The following HDAC9 variants were observed in gnomAD, a reference collection of about 807,000 sequenced individuals.
HDAC9 encodes the protein MEF-2 interacting transcription repressor (MITR) protein.
HDAC9 carries 41 observed loss-of-function variants against 139.4 expected under a neutral mutation model. The ratio of observed to expected loss-of-function variants is 0.29; its 90% confidence interval spans 0.23 to 0.38. HDAC9 has a LOEUF of 0.38. Ranked by LOEUF, HDAC9 falls within the 10% of genes least tolerant of loss-of-function variation. The probability of loss-of-function intolerance (pLI) is 1.00; values close to 1 mark genes in which losing one functional copy is unlikely to be tolerated. For missense variants in HDAC9, 1,147 were observed against 1,297.0 expected (o/e 0.88, Z 1.78); for synonymous variants, 517 against 476.2 (o/e 1.09, Z -1.12).
rs1477688828 is a variant in HDAC9, at chr7:18,169,308, T to C, written c.25+6959T>C. 1.3e-5 allele frequency among the ~76,000 whole-genome samples: 2 copies of C among 152,092 alleles called. 1 individual carries two copies. The highest frequency in any genetic ancestry group is 4.8e-5 in the African/African-American group (2 of 41,430). On this transcript the variant is annotated intron_variant, in intron 2 of 12. Coordinates refer to the HDAC9 transcript ENST00000417496. ...ACATACTGTAATTGCATTTTAATTG[T>C]CTCCTTATCCACTGCACCCCTCTTA...
chr7:18,665,101 AC>A (rs1794456248), intron 11 of HDAC9, among the ~76,000 whole-genome samples: 1 of 152,182 alleles, frequency 6.6e-6, no homozygotes. Context: ...TTAAGTATTC[AC>A]ATTTTAAAAC....
intron 25 of HDAC9, among the ~76,000 whole-genome samples, chr7:18,976,521 A>G (rs1157033815): frequency 6.6e-6 from 1 of 152,188 alleles, no homozygotes. Context: ...CTTGGGGCTG[A>G]TTTTATTTCA....
At chr7:18,471,378 A>T (rs1298815521) in intron 1 of HDAC9, among the ~76,000 whole-genome samples, 1 of 152,136 alleles carries the variant, frequency 6.6e-6, no homozygotes, top group African/African-American at 2.4e-5. Context: ...AATACCTTTT[A>T]GTTTTTATCC....
chr7:18,427,993 T>C (rs942969517), intron 1 of HDAC9, among the ~76,000 whole-genome samples: 1 of 152,206 alleles, frequency 6.6e-6, no homozygotes, highest in African/African-American at 2.4e-5. Flanking sequence ...GTATGTGTCC[T>C]TCTGTGACTA....
intron 5 of HDAC9, among the ~76,000 whole-genome samples, chr7:18,592,630 A>G (rs780773909): frequency 2.6e-5 from 4 of 152,054 alleles, no homozygotes; most frequent in Non-Finnish European, 1.5e-5. Context: ...ATGTACTTAT[A>G]AGGCTATTTT....
At position 18,975,794 on chromosome 7, in the gene HDAC9, T is replaced by C; in HGVS notation, c.3023-12T>C. On this transcript the variant is annotated splice_polypyrimidine_tract_variant and intron_variant, in intron 24 of 25. Transcript: ENST00000686413. ...TACAATTCTTATGAAGTATGATGGA[T>C]GTTTTTCCTAGGCAAGTATTGGAAG... 1 of 1,612,970 alleles carries C rather than the reference T, an allele frequency of 6.2e-7. No homozygotes were observed. Among genetic ancestry groups the C allele is most frequent in the Non-Finnish European group, 8.5e-7 (1 of 1,179,142 alleles).
At chr7:18,875,936 G>C (rs10237366) in intron 22 of HDAC9, among the ~76,000 whole-genome samples, 65,846 of 151,864 alleles carry the variant, frequency 0.43, 14,542 homozygotes, top group South Asian at 0.55. Flanking sequence ...AAGGAACTCT[G>C]GAAAAGTTGT....
intron 12 of HDAC9, among the ~76,000 whole-genome samples, chr7:18,725,272 A>AT (rs1030392238): frequency 6.6e-6 from 1 of 152,180 alleles, no homozygotes; most frequent in Admixed American, 6.5e-5. Flanking sequence ...TTTTAATACT[A>AT]TTTTTTGAAG....
At chr7:18,792,123 A>G (rs1331728429) in intron 16 of HDAC9, among the ~76,000 whole-genome samples, 1 of 152,098 alleles carries the variant, frequency 6.6e-6, no homozygotes, top group Non-Finnish European at 1.5e-5. Context: ...TCTTGGTAGT[A>G]TTTAAGTGTG....
intron 2 of HDAC9, among the ~76,000 whole-genome samples, chr7:18,540,906 T>G (rs957751116): frequency 6.6e-6 from 1 of 152,182 alleles, no homozygotes; most frequent in Non-Finnish European, 1.5e-5. Context: ...CTCGTAAGAA[T>G]TTTAGAAGAT....
intron 1 of HDAC9, among the ~76,000 whole-genome samples, chr7:18,103,647 C>T (rs1782997090): frequency 6.6e-6 from 1 of 152,142 alleles, no homozygotes; most frequent in Non-Finnish European, 1.5e-5. Context: ...TAAGTCCTCA[C>T]TTATCGTTAT....
At chr7:18,688,703 T>G (rs911890323) in intron 12 of HDAC9, among the ~76,000 whole-genome samples, 1 of 151,914 alleles carries the variant, frequency 6.6e-6, no homozygotes, top group Non-Finnish European at 1.5e-5. Context: ...TCCTACTGTT[T>G]CCACCGAAAA....
intron 13 of HDAC9, among the ~76,000 whole-genome samples, chr7:18,746,411 T>C (rs1787981485): frequency 6.6e-6 from 1 of 152,214 alleles, no homozygotes; most frequent in Non-Finnish European, 1.5e-5. Flanking sequence ...CCTTAATGTC[T>C]TCCTTCTGAC....
At chr7:18,197,860 T>G (rs997352280) in intron 2 of HDAC9, among the ~76,000 whole-genome samples, 3 of 152,318 alleles carry the variant, frequency 2.0e-5, no homozygotes, top group Admixed American at 6.5e-5. Context: ...AACCAGGAAT[T>G]AGGATTTATT....
At chr7:18,193,553 A>G (rs1402969140) in intron 2 of HDAC9, among the ~76,000 whole-genome samples, 1 of 152,206 alleles carries the variant, frequency 6.6e-6, no homozygotes, top group Non-Finnish European at 1.5e-5. Flanking sequence ...TGCTACTTGG[A>G]AATCTGTTAT....
At chr7:18,398,553 A>T (rs1055334482) in intron 1 of HDAC9, among the ~76,000 whole-genome samples, 1 of 152,002 alleles carries the variant, frequency 6.6e-6, no homozygotes, top group Non-Finnish European at 1.5e-5. Flanking sequence ...GATGGACTTT[A>T]TAGTTCCTTA....
chr7:18,806,483 C>A (rs1757050047), intron 17 of HDAC9, among the ~76,000 whole-genome samples: 1 of 152,176 alleles, frequency 6.6e-6, no homozygotes, highest in Non-Finnish European at 1.5e-5. Flanking sequence ...CTCTACATCT[C>A]AGAGCCAACA....
At chr7:18,129,221 A>C (rs1784856826) in intron 1 of HDAC9, among the ~76,000 whole-genome samples, 1 of 152,156 alleles carries the variant, frequency 6.6e-6, no homozygotes, top group Admixed American at 6.6e-5. Context: ...TTAGGATTTC[A>C]TTAACACTGA....
chr7:18,871,649 C>G (rs1798925640), intron 21 of HDAC9, among the ~76,000 whole-genome samples: 1 of 152,106 alleles, frequency 6.6e-6, no homozygotes, highest in African/African-American at 2.4e-5. Context: ...TAAATCAGTG[C>G]TTTCACAGAT....
Sources: gnomAD v4.1 joint callset for allele counts (sites outside exome capture counted in the v4.1 genomes callset) on GRCh38, gnomAD v4.1.1 for gene constraint, MANE v1.5 for transcripts, NCBI Gene and HGNC (gene_info 2026-07-23, HGNC 2026-07-21) for gene names.